SGCD: variants seen among roughly 807,000 people sequenced by gnomAD.
The protein encoded by SGCD is delta-sarcoglycan.
In SGCD, 18 loss-of-function variants were observed where a neutral mutation model predicts 36.6. The observed-to-expected ratio is 0.49, with a 90% CI of 0.34 to 0.73. The LOEUF (loss-of-function observed/expected upper bound fraction) is 0.73. Among genes scored for constraint, SGCD ranks in the 30% least tolerant of loss-of-function variants. The probability of loss-of-function intolerance (pLI) is 0.01; values close to 1 mark genes in which losing one functional copy is unlikely to be tolerated. For missense variants in SGCD, 387 were observed against 346.7 expected (o/e 1.12, Z -0.92); for synonymous variants, 133 against 130.6 (o/e 1.02, Z -0.12).
chr5:156,236,938 A>T (rs1034255389), intron 3 of SGCD, among the ~76,000 whole-genome samples: 1 of 151,334 alleles, frequency 6.6e-6, no homozygotes, highest in East Asian at 2.0e-4. Flanking sequence ...GGTTCAAGTG[A>T]TTCTCCTGCC....
chr5:156,712,716 C>T (rs1172888464), intron 7 of SGCD, among the ~76,000 whole-genome samples: 4 of 152,196 alleles, frequency 2.6e-5, no homozygotes, highest in African/African-American at 7.2e-5. Flanking sequence ...CTTTGTGGTA[C>T]ACACCAAGCC....
chr5:156,756,998 C>G (rs1023715076), intron 7 of SGCD, among the ~76,000 whole-genome samples: 30 of 152,062 alleles, frequency 2.0e-4, no homozygotes, highest in African/African-American at 7.2e-4. Context: ...TCTATTGTGT[C>G]AGGCACTATT....
chr5:155,750,294 T>C, the SGCD span, among the ~76,000 whole-genome samples: 1 of 152,122 alleles, frequency 6.6e-6, no homozygotes, highest in Non-Finnish European at 1.5e-5. Context: ...AAATAATAGT[T>C]TTGTTGTGGG....
At chr5:155,826,196 A>T in the SGCD span, among the ~76,000 whole-genome samples, 1 of 152,182 alleles carries the variant, frequency 6.6e-6, no homozygotes, top group South Asian at 2.1e-4. Context: ...CAGGGCTGCT[A>T]TCCTATGTCT....
At chr5:156,288,089 T>G (rs1766659698) in intron 3 of SGCD, among the ~76,000 whole-genome samples, 1 of 152,176 alleles carries the variant, frequency 6.6e-6, no homozygotes, top group Admixed American at 6.5e-5. Flanking sequence ...TCTTGAGACT[T>G]ATCATGTTCT....
chr5:156,547,283 GC>G (rs1230554675), intron 4 of SGCD, among the ~76,000 whole-genome samples: 13 of 152,050 alleles, frequency 8.5e-5, no homozygotes, highest in Admixed American at 8.5e-4. Context: ...TAGCACCCCT[GC>G]CCCCTCTGTT....
intron 5 of SGCD, among the ~76,000 whole-genome samples, chr5:156,592,637 C>T (rs1467954639): frequency 6.6e-6 from 1 of 152,124 alleles, no homozygotes; most frequent in Non-Finnish European, 1.5e-5. Context: ...ATTCTCAGAG[C>T]TCCATTCCAG....
chr5:155,865,418 T>G (rs2113261896), upstream of SGCD, among the ~76,000 whole-genome samples: 2 of 152,254 alleles, frequency 1.3e-5, 1 homozygote, highest in Middle Eastern at 6.8e-3. Flanking sequence ...ATGAAGAAAA[T>G]CTGGTCTCAT....
intron 3 of SGCD, among the ~76,000 whole-genome samples, chr5:156,497,623 TTCTCTCTCTCTC>T (rs375678272): frequency 6.8e-6 from 1 of 146,292 alleles, no homozygotes; most frequent in Non-Finnish European, 1.5e-5. Context: ...TGCGCGTGCT[TTCTCTCTCTCTC>T]TCTCTCTCTC....
the SGCD span, among the ~76,000 whole-genome samples, chr5:155,842,233 A>G: frequency 6.8e-6 from 1 of 147,670 alleles, no homozygotes; most frequent in African/African-American, 2.5e-5. Context: ...TTTTTCTTAA[A>G]CTCATTTGAG....
intron 3 of SGCD, among the ~76,000 whole-genome samples, chr5:156,495,825 T>G (rs1756160081): frequency 6.6e-6 from 1 of 152,204 alleles, no homozygotes; most frequent in Non-Finnish European, 1.5e-5. Flanking sequence ...TGTAGCAACT[T>G]GCACTTTATT....
chr5:155,948,885 A>T (rs1757498038), intron 1 of SGCD, among the ~76,000 whole-genome samples: 1 of 152,316 alleles, frequency 6.6e-6, no homozygotes, highest in South Asian at 2.1e-4. Flanking sequence ...AGTCTATAAG[A>T]TTTGGCTGAA....
At chr5:156,103,670 A>G (rs982128704) in intron 1 of SGCD, among the ~76,000 whole-genome samples, 1 of 152,120 alleles carries the variant, frequency 6.6e-6, no homozygotes, top group African/African-American at 2.4e-5. Context: ...CTCCATCATA[A>G]TGAATCATAT....
chr5:156,106,033 C>CGCCTGTAATCCCAGCTACT, intron 1 of SGCD, among the ~76,000 whole-genome samples: 1 of 143,024 alleles, frequency 7.0e-6, no homozygotes, highest in African/African-American at 2.6e-5. Flanking sequence ...TTGCTTGAAC[C>CGCCTGTAATCCCAGCTACT]TGGGAGGTGG....
chr5:155,841,166 G>A, the SGCD span, among the ~76,000 whole-genome samples: 11 of 152,184 alleles, frequency 7.2e-5, no homozygotes, highest in Non-Finnish European at 1.5e-4. Context: ...GAAAATCAAT[G>A]GGCACAATGC....
intron 1 of SGCD, among the ~76,000 whole-genome samples, chr5:155,977,298 C>T (rs1290249881): frequency 6.6e-6 from 1 of 152,162 alleles, no homozygotes; most frequent in African/African-American, 2.4e-5. Flanking sequence ...CTTGACTAGA[C>T]CCACTGGTAC....
At chr5:156,047,369 T>G (rs1759794305) in intron 1 of SGCD, among the ~76,000 whole-genome samples, 1 of 152,202 alleles carries the variant, frequency 6.6e-6, no homozygotes, top group Non-Finnish European at 1.5e-5. Flanking sequence ...AAGAAGATGA[T>G]GTCTAGGACT....
chr5:156,579,817 G>A (rs1245581132), intron 4 of SGCD, among the ~76,000 whole-genome samples: 3 of 152,174 alleles, frequency 2.0e-5, no homozygotes, highest in Non-Finnish European at 4.4e-5. Flanking sequence ...CTGTGCACGT[G>A]AGGTGGGTCT....
chr5:156,683,931 C>G (rs1347638481), intron 7 of SGCD, among the ~76,000 whole-genome samples: 1 of 152,120 alleles, frequency 6.6e-6, no homozygotes, highest in Non-Finnish European at 1.5e-5. Flanking sequence ...TAGTGAGACT[C>G]CACAAAAAGT....
Sources: allele counts gnomAD v4.1 joint callset (sites outside exome capture counted in the v4.1 genomes callset), GRCh38; gene constraint gnomAD v4.1.1; transcripts MANE v1.5; gene names NCBI Gene and HGNC (gene_info 2026-07-23, HGNC 2026-07-21).